TSHR: variants seen among roughly 807,000 people sequenced by gnomAD.
TSHR encodes the protein thyroid stimulating hormone receptor, also known as thyrotropin receptor.
A neutral mutation model predicts 64.1 loss-of-function variants in TSHR; 51 were observed. The observed-to-expected ratio is 0.80, with a 90% CI of 0.64 to 1.01. The LOEUF (loss-of-function observed/expected upper bound fraction) is 1.01, where lower values mean the gene tolerates loss of function less well. Ranked by LOEUF, TSHR falls within the 50% of genes least tolerant of loss-of-function variation. The probability of loss-of-function intolerance (pLI) is 0.00; values close to 1 mark genes in which losing one functional copy is unlikely to be tolerated. For missense variants in TSHR, 877 were observed against 942.8 expected (o/e 0.93, Z 0.91); for synonymous variants, 361 against 361.9 (o/e 1.00, Z 0.03).
chr14:81,083,810 G>C (rs1888085228), intron 3 of TSHR, among the ~76,000 whole-genome samples: 1 of 152,196 alleles, frequency 6.6e-6, no homozygotes, highest in African/African-American at 2.4e-5. Context: ...GGTTCTGCAT[G>C]GCTGGGGAGG....
At chr14:81,121,197 C>T (rs1264332460) in intron 8 of TSHR, among the ~76,000 whole-genome samples, 1 of 151,448 alleles carries the variant, frequency 6.6e-6, no homozygotes. Context: ...GGTGGGGAGG[C>T]ATGAAGGTAC....
intron 3 of TSHR, among the ~76,000 whole-genome samples, chr14:81,069,064 T>G (rs1463567331): frequency 6.6e-6 from 1 of 152,198 alleles, no homozygotes; most frequent in Non-Finnish European, 1.5e-5. Flanking sequence ...TCTATTTTCT[T>G]GATGAAGAAA....
chr14:81,006,520 T>A (rs1038068273), intron 1 of TSHR, among the ~76,000 whole-genome samples: 2 of 144,096 alleles, frequency 1.4e-5, no homozygotes, highest in African/African-American at 2.5e-5. Context: ...ATATAGTCAA[T>A]TTTTTTTTTT....
At chr14:81,004,270 G>T (rs1223563954) in intron 1 of TSHR, among the ~76,000 whole-genome samples, 2 of 152,140 alleles carry the variant, frequency 1.3e-5, no homozygotes, top group Admixed American at 6.5e-5. Context: ...TAAAGGCAGG[G>T]ATTGTAATCT....
chr14:81,088,093 T>A, intron 4 of TSHR, 65 bp downstream of exon 4: 2 of 1,285,404 alleles, frequency 1.6e-6, no homozygotes, highest in Non-Finnish European at 1.1e-6. Flanking sequence ...AATGCTGTTG[T>A]CTCCCAGGAA....
intron 9 of TSHR, among the ~76,000 whole-genome samples, chr14:81,141,760 T>C (rs914198401): frequency 2.0e-5 from 3 of 152,124 alleles, no homozygotes; most frequent in Non-Finnish European, 4.4e-5. Context: ...AATACATAAA[T>C]GTTTTATTTT....
intron 7 of TSHR, chr14:81,105,018 A>C (rs1889806734): frequency 9.1e-6 from 9 of 985,346 alleles, no homozygotes; most frequent in Non-Finnish European, 8.4e-6. Context: ...TTCGTCTCTT[A>C]CTACAAGCCT....
Position 80,991,832 on chromosome 14 carries a change from T to C in TSHR, c.170+35982T>C, listed in dbSNP as rs1462028966. 1.1e-5 allele frequency: 4 copies of C among 366,882 alleles called. No individual in the cohort carries two copies. The Admixed American group carries it at 1.4e-4, about 13-fold the overall frequency. 22.7% of individuals were successfully genotyped at this position (366,882 alleles called of 1,614,324 possible). A position where few individuals can be genotyped will look rare whatever the true frequency, so the allele number is the denominator to read the frequency against. Reference sequence around the variant, plus strand: ...CCGACAAGCCTGGAGGGATTGTCTCTTGATGCTAAAGTGATTCGGTCATAC... The same window carrying C: ...CCGACAAGCCTGGAGGGATTGTCTCCTGATGCTAAAGTGATTCGGTCATAC... On this transcript the variant is annotated intron_variant, in intron 1 of 9. Transcript: ENST00000298171.
intron 3 of TSHR, among the ~76,000 whole-genome samples, chr14:81,079,383 C>T (rs1409229749): frequency 1.3e-5 from 2 of 152,144 alleles, no homozygotes; most frequent in African/African-American, 2.4e-5. Flanking sequence ...CTAGTTTTTA[C>T]CAAGCGTTAG....
At chr14:80,968,307 A>C (rs1594898362) in intron 1 of TSHR, among the ~76,000 whole-genome samples, 1 of 152,134 alleles carries the variant, frequency 6.6e-6, no homozygotes, top group African/African-American at 2.4e-5. Flanking sequence ...GACCTGCCCA[A>C]GCTTTTCATT....
chr14:81,136,167 A>T (rs983567551), intron 8 of TSHR, among the ~76,000 whole-genome samples: 6 of 152,244 alleles, frequency 3.9e-5, no homozygotes, highest in African/African-American at 1.4e-4. Flanking sequence ...AAGTCACTGT[A>T]GGCCTTTAGG....
chr14:81,138,140 A>T (rs558526606), intron 8 of TSHR, among the ~76,000 whole-genome samples: 30 of 151,974 alleles, frequency 2.0e-4, no homozygotes, highest in South Asian at 1.9e-3. Context: ...TAAATGTCTA[A>T]TGTTAAAAAT....
chr14:81,099,378 G>A (rs1180878091), intron 7 of TSHR: 5 of 152,038 alleles, frequency 3.3e-5, no homozygotes, highest in Admixed American at 2.0e-4. Context: ...CCTCTGCTGG[G>A]ATTCATCATG....
At chr14:80,966,335 C>T (rs761166404) in intron 1 of TSHR, among the ~76,000 whole-genome samples, 1 of 152,176 alleles carries the variant, frequency 6.6e-6, no homozygotes. Flanking sequence ...TTTGAGATGG[C>T]AGTATTTCCA....
intron 1 of TSHR, among the ~76,000 whole-genome samples, chr14:81,046,677 G>A (rs1885183316): frequency 6.6e-6 from 1 of 152,012 alleles, no homozygotes; most frequent in African/African-American, 2.4e-5. Context: ...TTCCAAATTT[G>A]ATAAAAACTC....
intron 3 of TSHR, among the ~76,000 whole-genome samples, chr14:81,086,210 T>C (rs940475963): frequency 6.6e-5 from 10 of 152,326 alleles, no homozygotes; most frequent in African/African-American, 2.4e-4. Flanking sequence ...ATAAAGCAAT[T>C]TGCCTGGGCA....
At position 81,101,363 on chromosome 14, in the gene TSHR, G is replaced by C. The variant is rs189069167; in HGVS notation, c.614+4656G>C. 2.6e-4 allele frequency among the ~76,000 whole-genome samples: 39 copies of C among 152,074 alleles called. No homozygotes were observed. The East Asian group carries it at 7.1e-3, about 28-fold the overall frequency. On this transcript the variant is annotated intron_variant, in intron 7 of 9. Transcript: ENST00000298171. ...AGTCCTCACTTAGCATCCCAGATAG[G>C]GTCTTGAAAACTACAACTTGAAATA...
intron 1 of TSHR, among the ~76,000 whole-genome samples, chr14:80,971,049 C>T (rs949099336): frequency 6.6e-6 from 1 of 152,076 alleles, no homozygotes; most frequent in Non-Finnish European, 1.5e-5. Flanking sequence ...GTCTTGAACT[C>T]CTGACCTCAA....
intron 8 of TSHR, among the ~76,000 whole-genome samples, chr14:81,112,692 G>T (rs994997260): frequency 6.6e-6 from 1 of 152,084 alleles, no homozygotes; most frequent in African/African-American, 2.4e-5. Context: ...AGTAGGGGAG[G>T]GTCACTACAT....
Sources: gnomAD v4.1 joint callset for allele counts (sites outside exome capture counted in the v4.1 genomes callset) on GRCh38, gnomAD v4.1.1 for gene constraint, MANE v1.5 for transcripts, NCBI Gene and HGNC (gene_info 2026-07-23, HGNC 2026-07-21) for gene names.